Variants in KCNJ5 observed in about 807,000 individuals in gnomAD.
KCNJ5 encodes the protein potassium inwardly rectifying channel subfamily J member 5.
A neutral mutation model predicts 20.2 loss-of-function variants in KCNJ5; 12 were observed. That is an observed-to-expected ratio of 0.59 (90% CI 0.38 to 0.96). KCNJ5 has a LOEUF of 0.96. Ranked by LOEUF, KCNJ5 falls within the 40% of genes least tolerant of loss-of-function variation. The probability of loss-of-function intolerance (pLI) is 0.00; values close to 1 mark genes in which losing one functional copy is unlikely to be tolerated. For missense variants in KCNJ5, 449 were observed against 557.6 expected, an observed-to-expected ratio of 0.81 and a Z score of 1.96; for synonymous variants, 210 against 213.9, an observed-to-expected ratio of 0.98 and a Z score of 0.16.
intron 1 of KCNJ5, among the ~76,000 whole-genome samples, chr11:128,908,510 G>A (rs776792093): frequency 6.6e-6 from 1 of 152,200 alleles, no homozygotes; most frequent in Non-Finnish European, 1.5e-5. Flanking sequence ...CAAATCAAAA[G>A]TAAACCACCC....
At chr11:128,913,389 G>A (rs1944530500) in intron 2 of KCNJ5, among the ~76,000 whole-genome samples, 1 of 152,190 alleles carries the variant, frequency 6.6e-6, no homozygotes, top group Non-Finnish European at 1.5e-5. Context: ...CTCACCAGCA[G>A]CTGGTAGCCA....
intron 1 of KCNJ5, chr11:128,902,489 A>T: frequency 6.5e-7 from 1 of 1,545,924 alleles, no homozygotes; most frequent in Non-Finnish European, 8.8e-7. Flanking sequence ...AGGAACAGGG[A>T]TGTCATAGCA....
chr11:128,903,904 G>A (rs998381393), intron 1 of KCNJ5, among the ~76,000 whole-genome samples: 3 of 151,934 alleles, frequency 2.0e-5, no homozygotes, highest in South Asian at 2.1e-4. Flanking sequence ...TGCTCCCCCC[G>A]GGACTCAGAA....
intron 1 of KCNJ5, among the ~76,000 whole-genome samples, chr11:128,895,797 C>T (rs371646577): frequency 1.3e-5 from 2 of 152,358 alleles, no homozygotes; most frequent in Middle Eastern, 3.4e-3. Flanking sequence ...CAGGCATCGC[C>T]GGGGCGAAGG....
At chr11:128,910,701 G>A (rs566663812) in intron 1 of KCNJ5, among the ~76,000 whole-genome samples, 13 of 152,198 alleles carry the variant, frequency 8.5e-5, no homozygotes, top group South Asian at 2.1e-4. Context: ...TCCATGTGCC[G>A]GGCTGTGTTC....
In KCNJ5 at chr11:128,912,244, C is replaced by A. The variant is rs1470040164; in HGVS notation, c.937+34C>A. The A allele has an allele frequency of 3.3e-6, 5 of 1,537,060 alleles. No individual in the cohort carries two copies. The Admixed American group carries it at 8.3e-5, about 26-fold the overall frequency. ...CTTTGTCCTCCTCAGCCACAGGTGG[C>A]CCTACCTACACTTCAGACTTAGGCA... On this transcript the variant is annotated intron_variant, in intron 2 of 2. Coordinates refer to ENST00000529694, the MANE Select transcript of KCNJ5 (RefSeq NM_000890.5).
intron 1 of KCNJ5, chr11:128,904,412 G>C: frequency 6.2e-7 from 1 of 1,613,920 alleles, no homozygotes; most frequent in Non-Finnish European, 8.5e-7. Context: ...AACGCATCAA[G>C]GGTCGTCAAT....
intron 1 of KCNJ5, among the ~76,000 whole-genome samples, chr11:128,907,231 G>T (rs1387952259): frequency 6.6e-6 from 1 of 152,124 alleles, no homozygotes; most frequent in Non-Finnish European, 1.5e-5. Context: ...TGATAAAGAT[G>T]CTTGTGATCA....
chr11:128,895,798 G>A (rs890938702), intron 1 of KCNJ5, among the ~76,000 whole-genome samples: 18 of 152,272 alleles, frequency 1.2e-4, no homozygotes, highest in African/African-American at 3.1e-4. Flanking sequence ...AGGCATCGCC[G>A]GGGCGAAGGC....
rs529755922 is a variant in KCNJ5, at chr11:128,911,283, G to A, written c.10G>A (p.Asp4Asn). Residue 4 changes from aspartate to asparagine, a missense_variant, in exon 2 of 3, where the codon GAT becomes AAT. Coordinates refer to ENST00000529694, the MANE Select transcript of KCNJ5 (RefSeq NM_000890.5). The surrounding 1 kb of genome is among the most constrained non-coding windows in gnomAD (Gnocchi z 6.3). MAG[D>N]SRNAMNQDME... ...TCAAAGCATCCCAGCTATGGCTGGC[G>A]ATTCTAGGAATGCCATGAACCAGGA... 45 of 1,613,930 alleles carry A rather than the reference G, an allele frequency of 2.8e-5. No homozygotes were observed. The East Asian group carries it at 5.3e-4, about 19-fold the overall frequency.
chr11:128,914,437 C>T (rs923122593), intron 2 of KCNJ5, among the ~76,000 whole-genome samples: 3 of 152,176 alleles, frequency 2.0e-5, no homozygotes, highest in African/African-American at 7.2e-5. Flanking sequence ...ACAACCCGGG[C>T]TATGCTTGCT....
intron 1 of KCNJ5, among the ~76,000 whole-genome samples, chr11:128,898,528 T>C (rs1944212009): frequency 6.6e-6 from 1 of 152,260 alleles, no homozygotes. Flanking sequence ...GCAGTTCCCT[T>C]CAGCTGGGTC....
rs1160699929 is a variant in KCNJ5, at chr11:128,891,441, C to CACACAGAG, written c.-290_-289insCACAGAGA. ...ACACACACACACACACACACACACA[C>CACACAGAG]AGAGAGAGAGAGAGAGAGAGAGAGA... is the stretch of plus-strand genomic sequence containing the variant. On this transcript the variant is annotated 5_prime_UTR_variant, in exon 1 of 3. Coordinates refer to ENST00000529694, the MANE Select transcript of KCNJ5 (RefSeq NM_000890.5). 5 of 54,920 alleles carry CACACAGAG rather than the reference C, an allele frequency of 9.1e-5. No individual in the cohort carries two copies. Among genetic ancestry groups the CACACAGAG allele is most frequent in the Non-Finnish European group, 1.4e-4 (4 of 29,498 alleles). The allele number at this position is 54,920 out of a possible 1,614,324, so 3.4% of individuals were successfully genotyped here.
chr11:128,908,164 T>C (rs1168506885), intron 1 of KCNJ5, among the ~76,000 whole-genome samples: 1 of 152,250 alleles, frequency 6.6e-6, no homozygotes, highest in African/African-American at 2.4e-5. Flanking sequence ...TCTCTACCTC[T>C]CTTTCTTCAT....
rs565072715 is a variant in KCNJ5 at position 128,920,955 on chromosome 11, T to G, written c.*4224T>G. 4 of 152,366 alleles carry G rather than the reference T, an allele frequency of 2.6e-5. No individual in the cohort carries two copies. The East Asian group carries it at 7.7e-4, about 29-fold the overall frequency. The allele number at this position is 152,366 out of a possible 1,614,324, so 9.4% of individuals were successfully genotyped here. A position where few individuals can be genotyped will look rare whatever the true frequency, so the allele number is the denominator to read the frequency against. ...CTTTTTCTGATTCCCAGAGAACTAA[T>G]GAGCTGCAAAAAGAGATTAGACAGG... On this transcript the variant is annotated 3_prime_UTR_variant, in exon 3 of 3. Coordinates refer to ENST00000529694, the MANE Select transcript of KCNJ5 (RefSeq NM_000890.5).
chr11:128,892,715 G>A (rs2135980445), intron 1 of KCNJ5, among the ~76,000 whole-genome samples: 1 of 152,272 alleles, frequency 6.6e-6, no homozygotes, highest in South Asian at 2.1e-4. Flanking sequence ...ACTCCAAAAT[G>A]TGCCTCGTTT....
intron 1 of KCNJ5, among the ~76,000 whole-genome samples, chr11:128,895,924 C>T (rs1450754680): frequency 6.6e-6 from 1 of 152,208 alleles, no homozygotes; most frequent in Non-Finnish European, 1.5e-5. Flanking sequence ...CAAGGCCAGA[C>T]ACAGGGCAGT....
chr11:128,907,675 A>T (rs1187800355), intron 1 of KCNJ5, among the ~76,000 whole-genome samples: 1 of 152,208 alleles, frequency 6.6e-6, no homozygotes, highest in Non-Finnish European at 1.5e-5. Context: ...GGATTTGCTC[A>T]AGTCAGTGCC....
At chr11:128,903,867 G>T (rs1030774523) in intron 1 of KCNJ5, among the ~76,000 whole-genome samples, 1 of 152,018 alleles carries the variant, frequency 6.6e-6, no homozygotes, top group Non-Finnish European at 1.5e-5. Context: ...GGACCACATG[G>T]CAGGAAATCA....
Sources: gnomAD v4.1 joint callset for allele counts (sites outside exome capture counted in the v4.1 genomes callset) on GRCh38, gnomAD v4.1.1 for gene constraint, Gnocchi (gnomAD v3.1) non-coding constraint, MANE v1.5 for transcripts, NCBI Gene and HGNC (gene_info 2026-07-23, HGNC 2026-07-21) for gene names.